The following GABRG3 variants were observed in gnomAD, a reference collection of about 807,000 sequenced individuals.
GABRG3 encodes gamma-aminobutyric acid type A receptor subunit gamma3, also known as gamma-aminobutyric acid receptor subunit gamma-3.
A neutral mutation model predicts 48.8 loss-of-function variants in GABRG3; 25 were observed. That is an observed-to-expected ratio of 0.51 (90% confidence interval 0.37 to 0.72). The LOEUF (loss-of-function observed/expected upper bound fraction) is 0.72. GABRG3 is among the 30% of genes least tolerant of loss of function. The pLI, the probability that GABRG3 is intolerant of heterozygous loss-of-function variation, is 0.00. For synonymous variants in GABRG3, 227 were observed against 217.6 expected (o/e 1.04, Z -0.38); for missense variants, 394 against 577.9 (o/e 0.68, Z 3.26).
In GABRG3 at chr15:27,002,453, T is replaced by A. The variant is rs143116458; in HGVS notation, c.203-24301T>A. Among the ~76,000 whole-genome samples the A allele has an allele frequency of 2.0e-5, 3 of 152,328 alleles. No individual in the cohort carries two copies. In the East Asian group the frequency reaches 5.8e-4, roughly 29 times the overall value. On this transcript the variant is annotated intron_variant, in intron 2 of 9. Transcript: ENST00000615808. Reference sequence around the variant, plus strand: ...CATGGTGGTATTTGTCTAAACTATTTAACATTTTCTCTCAGCATTTTAATT... The same window carrying A: ...CATGGTGGTATTTGTCTAAACTATTAAACATTTTCTCTCAGCATTTTAATT...
intron 5 of GABRG3, among the ~76,000 whole-genome samples, chr15:27,466,760 C>G (rs1889624976): frequency 6.6e-6 from 1 of 152,114 alleles, no homozygotes; most frequent in Non-Finnish European, 1.5e-5. Flanking sequence ...GGAAGGGACC[C>G]CAAGGGTAAG....
intron 3 of GABRG3, among the ~76,000 whole-genome samples, chr15:27,230,371 T>TA (rs1173040529): frequency 6.6e-6 from 1 of 152,220 alleles, no homozygotes; most frequent in African/African-American, 2.4e-5. Context: ...TTTCTACCTG[T>TA]CAGAATGTCA....
At chr15:27,228,268 G>T (rs111946283) in intron 3 of GABRG3, among the ~76,000 whole-genome samples, 1 of 151,984 alleles carries the variant, frequency 6.6e-6, no homozygotes, top group Non-Finnish European at 1.5e-5. Flanking sequence ...CTTCATGTTC[G>T]TGAGTTCTCA....
chr15:27,184,953 T>C (rs1397429060), intron 3 of GABRG3, among the ~76,000 whole-genome samples: 3 of 152,188 alleles, frequency 2.0e-5, no homozygotes, highest in Admixed American at 6.5e-5. Flanking sequence ...TTGTTAGATG[T>C]TTATTGTTTG....
intron 7 of GABRG3, among the ~76,000 whole-genome samples, chr15:27,525,600 T>G (rs1426236155): frequency 6.6e-6 from 1 of 152,202 alleles, no homozygotes; most frequent in African/African-American, 2.4e-5. Context: ...TCATGACAAC[T>G]GATGGACAAG....
At chr15:27,302,795 A>G (rs1892256563) in intron 3 of GABRG3, among the ~76,000 whole-genome samples, 2 of 151,994 alleles carry the variant, frequency 1.3e-5, no homozygotes, top group African/African-American at 4.8e-5. Flanking sequence ...TCATAATGCA[A>G]TTAAACTAGA....
At chr15:27,340,247 A>G (rs1157168294) in intron 5 of GABRG3, among the ~76,000 whole-genome samples, 2 of 152,176 alleles carry the variant, frequency 1.3e-5, no homozygotes, top group Admixed American at 1.3e-4. Context: ...GGTGCGAGGG[A>G]TAATTGCACA....
intron 5 of GABRG3, among the ~76,000 whole-genome samples, chr15:27,389,956 G>A (rs1383736030): frequency 6.6e-6 from 1 of 152,186 alleles, no homozygotes; most frequent in Non-Finnish European, 1.5e-5. Flanking sequence ...TGAGGACAAA[G>A]AATATATTCT....
intron 2 of GABRG3, among the ~76,000 whole-genome samples, chr15:27,016,934 T>G (rs1353514841): frequency 1.3e-5 from 2 of 152,194 alleles, no homozygotes; most frequent in African/African-American, 2.4e-5. Context: ...CCAAGTAGTT[T>G]TGTTTGTTTC....
At chr15:27,347,890 G>C (rs1894428881) in intron 5 of GABRG3, among the ~76,000 whole-genome samples, 1 of 152,074 alleles carries the variant, frequency 6.6e-6, no homozygotes, top group Admixed American at 6.5e-5. Flanking sequence ...CAGATTTCAG[G>C]GGGGGTTTCC....
chr15:27,484,719 A>G (rs922207399), intron 6 of GABRG3, among the ~76,000 whole-genome samples: 3 of 152,210 alleles, frequency 2.0e-5, no homozygotes, highest in Non-Finnish European at 4.4e-5. Context: ...AAACTAAGGC[A>G]TGCTAAACAC....
intron 5 of GABRG3, chr15:27,428,481 A>G (rs1235276942): frequency 6.6e-6 from 1 of 152,250 alleles, no homozygotes; most frequent in Non-Finnish European, 1.5e-5. Context: ...ATGAATGTGA[A>G]TTAGGTGGGC....
At chr15:27,287,710 CT>C (rs1891660501) in intron 3 of GABRG3, among the ~76,000 whole-genome samples, 1 of 146,966 alleles carries the variant, frequency 6.8e-6, no homozygotes, top group Non-Finnish European at 1.5e-5. Context: ...GGAATAATAT[CT>C]ATTCATTCAA....
intron 5 of GABRG3, among the ~76,000 whole-genome samples, chr15:27,412,014 G>A (rs1887812493): frequency 6.6e-6 from 1 of 151,902 alleles, no homozygotes. Context: ...TCTGCTTGAA[G>A]AACTTCGTAT....
At chr15:27,336,237 G>GAGAA (rs1566792015) in intron 5 of GABRG3, among the ~76,000 whole-genome samples, 2 of 143,318 alleles carry the variant, frequency 1.4e-5, no homozygotes, top group African/African-American at 5.6e-5. Flanking sequence ...AGAGAGAGGA[G>GAGAA]AAGAAAAGAA....
chr15:27,293,690 CAAAA>C (rs534211544), intron 3 of GABRG3, among the ~76,000 whole-genome samples: 1 of 137,842 alleles, frequency 7.3e-6, no homozygotes, highest in African/African-American at 2.7e-5. Flanking sequence ...AAAAAACAAA[CAAAA>C]AAAAAAACAG....
At chr15:27,360,578 C>T (rs954546285) in intron 5 of GABRG3, among the ~76,000 whole-genome samples, 1 of 152,138 alleles carries the variant, frequency 6.6e-6, no homozygotes, top group African/African-American at 2.4e-5. Flanking sequence ...AAGAGCATTC[C>T]CCAATCCGAG....
rs1393388567 is a variant in GABRG3 at position 27,003,509 on chromosome 15, G to A, written c.203-23245G>A. Among the ~76,000 whole-genome samples, 4 of 152,102 alleles carry A rather than the reference G, an allele frequency of 2.6e-5. No individual in the cohort carries two copies. The East Asian group carries it at 5.8e-4, about 22-fold the overall frequency. The stretch of plus-strand genomic sequence containing the variant: ...ATCCATTTAACCCTGAGTGGACACA[G>A]CACATGTTTCAGAGAGCACAGGGCT... On this transcript the variant is annotated intron_variant, in intron 2 of 9. Transcript: ENST00000615808.
intron 3 of GABRG3, among the ~76,000 whole-genome samples, chr15:27,121,042 A>G (rs1278586440): frequency 6.6e-6 from 1 of 152,210 alleles, no homozygotes; most frequent in Non-Finnish European, 1.5e-5. Context: ...AAGGAATGCC[A>G]TTCAATTTTT....
Sources: allele counts gnomAD v4.1 joint callset (sites outside exome capture counted in the v4.1 genomes callset), GRCh38; gene constraint gnomAD v4.1.1; transcripts MANE v1.5; gene names NCBI Gene and HGNC (gene_info 2026-07-23, HGNC 2026-07-21).